The following VEZT variants were observed in gnomAD, a reference collection of about 807,000 sequenced individuals.
VEZT encodes vezatin, adherens junctions transmembrane protein, also known as vezatin.
Under a neutral mutation model 79.9 loss-of-function variants are expected in VEZT, and 39 were observed. That is an observed-to-expected ratio of 0.49 (90% CI 0.38 to 0.64). VEZT has a LOEUF of 0.64. Among genes scored for constraint, VEZT ranks in the 30% least tolerant of loss-of-function variants. VEZT has a pLI of 0.00. For synonymous variants in VEZT, 325 were observed against 327.6 expected, an observed-to-expected ratio of 0.99 and a Z score of 0.09; for missense variants, 837 against 893.1, an observed-to-expected ratio of 0.94 and a Z score of 0.80.
chr12:95,235,280 C>CGG (rs71078686), intron 1 of VEZT, among the ~76,000 whole-genome samples: 3 of 103,312 alleles, frequency 2.9e-5, no homozygotes, highest in Admixed American at 8.9e-5. Context: ...GCTGGCCGGG[C>CGG]GGGGGCTGAC....
chr12:95,245,493 CTG>C (rs747226693), intron 1 of VEZT: 41 of 456,166 alleles, frequency 9.0e-5, no homozygotes, highest in South Asian at 6.2e-4. Flanking sequence ...TTGGGAAAAA[CTG>C]TTCCTGTTTT....
intron 9 of VEZT, among the ~76,000 whole-genome samples, chr12:95,293,210 ACT>A (rs1428073693): frequency 6.6e-6 from 1 of 152,046 alleles, no homozygotes; most frequent in African/African-American, 2.4e-5. Context: ...GGTGTGACTA[ACT>A]CTACAGCTCT....
chr12:95,255,652 C>T (rs1268675078), intron 2 of VEZT, among the ~76,000 whole-genome samples: 3 of 152,068 alleles, frequency 2.0e-5, no homozygotes, highest in Non-Finnish European at 4.4e-5. Context: ...AGGCTGATCT[C>T]GAACTCCTGA....
intron 1 of VEZT, among the ~76,000 whole-genome samples, chr12:95,250,703 A>G (rs1198625097): frequency 6.6e-6 from 1 of 151,374 alleles, no homozygotes; most frequent in African/African-American, 2.4e-5. Context: ...GTAGATTTTC[A>G]TCCAGTAGTG....
chr12:95,228,830 C>G (rs970264190), intron 1 of VEZT, among the ~76,000 whole-genome samples: 1 of 151,994 alleles, frequency 6.6e-6, no homozygotes, highest in African/African-American at 2.4e-5. Context: ...ATAGTGAGAC[C>G]CTGTCTCTAC....
At chr12:95,224,318 CT>C (rs62851660) in intron 1 of VEZT, 54,466 of 390,430 alleles carry the variant, frequency 0.14, 513 homozygotes, top group South Asian at 0.16. Flanking sequence ...AAAGCCACAA[CT>C]TTTTTTTTTT....
chr12:95,274,746 C>A lies in VEZT; in HGVS notation c.853C>A (p.Pro285Thr). 1 of 1,610,956 alleles carries A rather than the reference C, an allele frequency of 6.2e-7. No homozygotes were observed. The change falls in exon 7 of 12, where the codon CCC becomes ACC. Residue 285 changes from proline (P) to threonine (T), a missense_variant. By Grantham distance (38) the Pro-to-Thr change is conservative. Transcript: ENST00000436874. ...LATLYMLKNY[P>T]LNSESDNVTN... ...ATTGCCTTAACCTAATTTAACCTACCCCCTGAACTCTGAGAGTGACAATGT... is the reference window on the plus strand; with the variant it reads ...ATTGCCTTAACCTAATTTAACCTACACCCTGAACTCTGAGAGTGACAATGT...
rs1255525847 is a variant in VEZT at position 95,296,227 on chromosome 12, G to A, written c.1800G>A (p.Gln600=). 10 of 1,587,236 alleles carry A rather than the reference G, an allele frequency of 6.3e-6. No homozygotes were observed. Among genetic ancestry groups the A allele is most frequent in the South Asian group, 5.8e-5 (5 of 86,590 alleles). Residue 600 remains glutamine, a synonymous_variant, in exon 11 of 12, where the codon CAG becomes CAA. Coordinates refer to ENST00000436874, the MANE Select transcript of VEZT (RefSeq NM_017599.4). ...TTAAAGCTTCAGAGGCAGAAAGGCAGAAGTGGAAGCAACTTCTATTTAGTG... is the reference window on the plus strand; with the variant it reads ...TTAAAGCTTCAGAGGCAGAAAGGCAAAAGTGGAAGCAACTTCTATTTAGTG... ...LGFKASEAER[Q]KWKQLLFSDH...
intron 9 of VEZT, among the ~76,000 whole-genome samples, chr12:95,289,322 TAGG>T (rs1430698674): frequency 7.4e-6 from 1 of 135,610 alleles, no homozygotes; most frequent in African/African-American, 2.8e-5. Flanking sequence ...GAGGCTGAGG[TAGG>T]AGAATGGCGT....
intron 2 of VEZT, among the ~76,000 whole-genome samples, 156 bp from the exon 3 acceptor site, chr12:95,256,994 G>A (rs1203682790): frequency 2.0e-5 from 3 of 152,172 alleles, no homozygotes; most frequent in African/African-American, 7.2e-5. Flanking sequence ...AACTAATAAG[G>A]AGGCTGAGAT....
chr12:95,281,262 A>T (rs1473391817), intron 7 of VEZT, among the ~76,000 whole-genome samples: 1 of 151,998 alleles, frequency 6.6e-6, no homozygotes, highest in Non-Finnish European at 1.5e-5. Context: ...ACTGCATTTT[A>T]AAAAAAAGAA....
At chr12:95,274,014 G>T (rs2067142214) in intron 6 of VEZT, among the ~76,000 whole-genome samples, 1 of 152,132 alleles carries the variant, frequency 6.6e-6, no homozygotes, top group Non-Finnish European at 1.5e-5. Context: ...GAACAGGCCT[G>T]GTGCCACTTA....
chr12:95,235,130 A>G (rs1341836332), intron 1 of VEZT, among the ~76,000 whole-genome samples: 2 of 151,926 alleles, frequency 1.3e-5, no homozygotes, highest in African/African-American at 4.8e-5. Context: ...TATTCCACAA[A>G]ACCGCCATTG....
intron 1 of VEZT, among the ~76,000 whole-genome samples, chr12:95,226,380 T>C (rs1158304142): frequency 4.1e-5 from 6 of 144,584 alleles, no homozygotes; most frequent in African/African-American, 1.6e-4. Flanking sequence ...TCTCTTCCCC[T>C]AAGAAAATTT....
chr12:95,287,597 C>A, intron 8 of VEZT, 67 bp from the exon 9 acceptor site: 2 of 1,337,002 alleles, frequency 1.5e-6, no homozygotes, highest in Non-Finnish European at 2.0e-6. Flanking sequence ...TTAAAATAAG[C>A]CTCGTAAATT....
intron 5 of VEZT, among the ~76,000 whole-genome samples, chr12:95,269,200 T>A (rs1402591435): frequency 2.0e-5 from 3 of 152,184 alleles, no homozygotes; most frequent in Non-Finnish European, 4.4e-5. Context: ...GGTGAAAAAA[T>A]TTATCTGATA....
intron 1 of VEZT, among the ~76,000 whole-genome samples, chr12:95,228,615 T>C (rs1479394847): frequency 6.6e-6 from 1 of 152,152 alleles, no homozygotes; most frequent in African/African-American, 2.4e-5. Flanking sequence ...ATTAGAAGTA[T>C]AGCAAAATTC....
At chr12:95,260,251 G>A (rs1006973876) in intron 3 of VEZT, among the ~76,000 whole-genome samples, 9 of 151,792 alleles carry the variant, frequency 5.9e-5, no homozygotes, top group African/African-American at 1.7e-4. Context: ...GACTACAGGT[G>A]CACGCCACCA....
intron 9 of VEZT, among the ~76,000 whole-genome samples, chr12:95,289,094 AAATAAATAAAT>A (rs1566297619): frequency 1.5e-5 from 2 of 131,094 alleles, no homozygotes; most frequent in Non-Finnish European, 3.3e-5. Context: ...AAAAAAAAAT[AAATAAATAAAT>A]AAATAAATAA....
Sources: allele counts gnomAD v4.1 joint callset (sites outside exome capture counted in the v4.1 genomes callset), GRCh38; gene constraint gnomAD v4.1.1; transcripts MANE v1.5; gene names NCBI Gene and HGNC (gene_info 2026-07-23, HGNC 2026-07-21).